The following TENM3 variants were observed in gnomAD, a reference collection of about 807,000 sequenced individuals.
The protein encoded by TENM3 is teneurin transmembrane protein 3.
In TENM3, 63 loss-of-function variants were observed where a neutral mutation model predicts 255.1. That is an observed-to-expected ratio of 0.25 (90% CI 0.20 to 0.30). The LOEUF (loss-of-function observed/expected upper bound fraction) is 0.30, where lower values mean the gene tolerates loss of function less well. Among genes scored for constraint, TENM3 ranks in the 10% least tolerant of loss-of-function variants. TENM3 has a pLI of 1.00. For missense variants in TENM3, 2,929 were observed against 3,461.1 expected (o/e 0.85, Z 3.86); for synonymous variants, 1,306 against 1,322.3 (o/e 0.99, Z 0.27).
At chr4:181,858,043 G>C in the TENM3 span, among the ~76,000 whole-genome samples, 1 of 152,150 alleles carries the variant, frequency 6.6e-6, no homozygotes, top group African/African-American at 2.4e-5. Context: ...TAAATATCTA[G>C]AGTATTTTTA....
At chr4:182,717,524 C>A (rs1561151852) in intron 13 of TENM3, among the ~76,000 whole-genome samples, 1 of 152,182 alleles carries the variant, frequency 6.6e-6, no homozygotes, top group Non-Finnish European at 1.5e-5. Flanking sequence ...AGGTATCCCC[C>A]TCATCTGCTT....
the TENM3 span, chr4:182,081,616 A>T: frequency 6.6e-6 from 1 of 151,796 alleles, no homozygotes; most frequent in Non-Finnish European, 1.5e-5. Flanking sequence ...GAAGAAGAAG[A>T]AGAAGAAGGC....
intron 12 of TENM3, among the ~76,000 whole-genome samples, chr4:182,696,193 C>T (rs778894600): frequency 1.4e-4 from 22 of 152,064 alleles, no homozygotes; most frequent in African/African-American, 1.9e-4. Flanking sequence ...TTGACAGTAA[C>T]GGCACAAATT....
chr4:181,604,769 G>C, the TENM3 span, among the ~76,000 whole-genome samples: 1 of 152,234 alleles, frequency 6.6e-6, no homozygotes, highest in East Asian at 1.9e-4. Flanking sequence ...GGTGTGGAAT[G>C]CATCCTAGTC....
chr4:182,217,471 C>A (rs1302703158), intron 1 of TENM3, among the ~76,000 whole-genome samples: 2 of 152,238 alleles, frequency 1.3e-5, no homozygotes, highest in African/African-American at 4.8e-5. Context: ...ACTGAATGAA[C>A]CCCTCGCCTA....
the TENM3 span, among the ~76,000 whole-genome samples, chr4:181,858,454 G>C: frequency 6.6e-6 from 1 of 152,156 alleles, no homozygotes; most frequent in African/African-American, 2.4e-5. Context: ...TGTTAGAGTA[G>C]CCATCGTTAT....
intron 3 of TENM3, among the ~76,000 whole-genome samples, chr4:182,578,097 C>T (rs924339778): frequency 2.0e-5 from 3 of 152,096 alleles, no homozygotes; most frequent in African/African-American, 7.2e-5. Context: ...CTGCATCAGC[C>T]TCCCAAGTAG....
the TENM3 span, among the ~76,000 whole-genome samples, chr4:181,955,599 C>T: frequency 1.3e-5 from 2 of 152,074 alleles, no homozygotes; most frequent in Admixed American, 1.3e-4. Flanking sequence ...CAATCTAGCA[C>T]ATGTTGTGGG....
At chr4:182,364,439 C>G (rs561092446) in intron 3 of TENM3, among the ~76,000 whole-genome samples, 2 of 151,910 alleles carry the variant, frequency 1.3e-5, no homozygotes, top group African/African-American at 4.8e-5. Flanking sequence ...TTTTTTGAGA[C>G]GGAGTCTCAC....
the TENM3 span, among the ~76,000 whole-genome samples, chr4:181,449,815 TAAC>T: frequency 1.3e-5 from 2 of 152,092 alleles, no homozygotes; most frequent in Non-Finnish European, 2.9e-5. Context: ...GATAAATAAA[TAAC>T]AACATATGAT....
chr4:181,826,993 C>T, the TENM3 span, among the ~76,000 whole-genome samples: 1 of 152,134 alleles, frequency 6.6e-6, no homozygotes, highest in Non-Finnish European at 1.5e-5. Flanking sequence ...AACCAGGAGG[C>T]TATGCTCTGA....
the TENM3 span, among the ~76,000 whole-genome samples, chr4:181,635,830 A>AT: frequency 1.1e-3 from 162 of 152,292 alleles, 3 homozygotes; most frequent in South Asian, 6.0e-3. Flanking sequence ...CTGGAGGGAG[A>AT]CGGGGCTTCC....
At chr4:182,161,788 TATATGTATATATATACAC>T (rs1196526849) in intron 1 of TENM3, among the ~76,000 whole-genome samples, 7,390 of 62,858 alleles carry the variant, frequency 0.12, 3,323 homozygotes, top group Non-Finnish European at 0.15. Flanking sequence ...TATACACAAA[TATATGTATATATATACAC>T]ATATATATGT....
At chr4:181,874,658 G>A in the TENM3 span, 2 of 152,346 alleles carry the variant, frequency 1.3e-5, no homozygotes, top group Non-Finnish European at 1.5e-5. Flanking sequence ...ATAAGCGTTA[G>A]CCAAGGACCC....
At chr4:182,665,608 C>G (rs1216293660) in intron 6 of TENM3, among the ~76,000 whole-genome samples, 1 of 151,988 alleles carries the variant, frequency 6.6e-6, no homozygotes, top group East Asian at 1.9e-4. Context: ...TTAAAAACCT[C>G]CTGGAGGCTG....
At chr4:181,624,441 G>GA in the TENM3 span, among the ~76,000 whole-genome samples, 1 of 152,084 alleles carries the variant, frequency 6.6e-6, no homozygotes, top group African/African-American at 2.4e-5. Context: ...GAGAGAAGTG[G>GA]AAAAAAATTA....
chr4:182,212,983 G>A (rs532322936), intron 1 of TENM3, among the ~76,000 whole-genome samples: 2 of 152,204 alleles, frequency 1.3e-5, no homozygotes, highest in East Asian at 1.9e-4. Flanking sequence ...CCATTCCACC[G>A]TCCCTTGTAT....
chr4:182,476,696 G>A (rs181855572), intron 3 of TENM3, among the ~76,000 whole-genome samples: 11 of 152,066 alleles, frequency 7.2e-5, no homozygotes, highest in African/African-American at 2.7e-4. Flanking sequence ...GAACTTTTAG[G>A]TCTGACAGTG....
At chr4:182,578,397 T>A (rs1174060727) in intron 3 of TENM3, among the ~76,000 whole-genome samples, 1 of 152,196 alleles carries the variant, frequency 6.6e-6, no homozygotes, top group Admixed American at 6.5e-5. Flanking sequence ...GTTCTCCCCT[T>A]CTTCCCCTCC....
Sources: allele counts gnomAD v4.1 joint callset (sites outside exome capture counted in the v4.1 genomes callset), GRCh38; gene constraint gnomAD v4.1.1; transcripts MANE v1.5; gene names NCBI Gene and HGNC (gene_info 2026-07-23, HGNC 2026-07-21).